Variants in OASL observed in about 807,000 individuals in gnomAD.
OASL encodes the protein 2'-5'-oligoadenylate synthetase like, also known as 2'-5'-oligoadenylate synthase-like protein.
Under a neutral mutation model 35.3 loss-of-function variants are expected in OASL, and 28 were observed. That is an observed-to-expected ratio of 0.79 (90% confidence interval 0.59 to 1.09). The LOEUF (loss-of-function observed/expected upper bound fraction) is 1.09. OASL is among the 50% of genes least tolerant of loss of function. The pLI, the probability that OASL is intolerant of heterozygous loss-of-function variation, is 0.00. For synonymous variants in OASL, 252 were observed against 254.6 expected, an observed-to-expected ratio of 0.99 and a Z score of 0.10; for missense variants, 620 against 635.2, an observed-to-expected ratio of 0.98 and a Z score of 0.26.
intron 5 of OASL, among the ~76,000 whole-genome samples, chr12:121,022,291 T>A (rs977519564): frequency 1.3e-5 from 2 of 152,120 alleles, no homozygotes; most frequent in Admixed American, 6.5e-5. Flanking sequence ...TTTACCATGT[T>A]GGCCAGGATG....
At chr12:121,036,881 G>A (rs1869977371) in intron 1 of OASL, among the ~76,000 whole-genome samples, 1 of 152,142 alleles carries the variant, frequency 6.6e-6, no homozygotes, top group African/African-American at 2.4e-5. Flanking sequence ...TTGCACCACT[G>A]GCTTGGTGAG....
chr12:121,020,683 G>A lies in OASL; in HGVS notation c.1423C>T (p.Gln475Ter), dbSNP rs146055263. Residue 475 changes from glutamine (Q) to a stop codon, truncating the protein, a stop_gained, in exon 6 of 6, where the codon CAG becomes TAG. Transcript: ENST00000257570. LOFTEE classifies it low-confidence loss of function (END_TRUNC). The stretch of plus-strand genomic sequence containing the variant: ...AGGACTTGGCCTTGGAATTCCAGCT[G>A]CTGCTGCTTTTTAGGAAGCCCCTGC... 1.2e-4 allele frequency: 188 copies of A among 1,614,122 alleles called. No homozygotes were observed. In the African/African-American group the frequency reaches 2.2e-3, roughly 19 times the overall value.
exon 1 of OASL, chr12:121,038,847 T>C (rs1389535267): frequency 4.3e-6 from 7 of 1,613,810 alleles, no homozygotes; most frequent in Non-Finnish European, 5.9e-6. Flanking sequence ...CCTCAGAAAC[T>C]CCTCCACGGT....
chr12:121,024,052 A>G (rs746994160), exon 5 of OASL: 6 of 1,614,120 alleles, frequency 3.7e-6, no homozygotes, highest in Non-Finnish European at 5.1e-6. Flanking sequence ...TGTTTCAGGC[A>G]CTGGGAGGCC....
At chr12:121,030,259 C>T (rs183937108) in intron 3 of OASL, among the ~76,000 whole-genome samples, 28 of 152,270 alleles carry the variant, frequency 1.8e-4, no homozygotes, top group Admixed American at 2.6e-4. Flanking sequence ...GGCTGGAGTA[C>T]AGTGGCGCGA....
chr12:121,020,830 G>GTT lies in OASL; in HGVS notation c.1275_1276insAA (p.Leu426AsnfsTer14). 6.2e-7 allele frequency: 1 copy of GTT among 1,614,232 alleles called. No homozygotes were observed. The highest frequency in any genetic ancestry group is 1.3e-5 in the African/African-American group (1 of 75,054). On this transcript the variant is annotated frameshift_variant, in exon 6 of 6. Coordinates refer to ENST00000257570, the Ensembl canonical transcript of OASL. LOFTEE classifies it low-confidence loss of function (END_TRUNC). ...ATCTCGGAGGGGATGGTCTCCAGCA[G>GTT]ATAGATGTGAGTGTGGGAGAAGATC... is the stretch of plus-strand genomic sequence containing the variant.
intron 4 of OASL, among the ~76,000 whole-genome samples, chr12:121,026,676 G>A (rs1298848202): frequency 6.6e-6 from 1 of 152,042 alleles, no homozygotes; most frequent in African/African-American, 2.4e-5. Context: ...ACATGGCAAA[G>A]CACTGTCTCT....
intron 1 of OASL, 38 bp downstream of exon 1, chr12:121,038,736 T>C: frequency 6.2e-7 from 1 of 1,606,656 alleles, no homozygotes; most frequent in East Asian, 2.2e-5. Context: ...TGATACTGGG[T>C]TTTGTCTTGC....
chr12:121,029,030 A>G (rs1248737553), intron 3 of OASL, among the ~76,000 whole-genome samples: 1 of 140,816 alleles, frequency 7.1e-6, no homozygotes, highest in South Asian at 2.3e-4. Context: ...ATGCCACTGC[A>G]CTCCAGCCTG....
chr12:121,038,629 T>C (rs1024409482), intron 1 of OASL, 145 bp downstream of exon 1: 35 of 714,232 alleles, frequency 4.9e-5, no homozygotes, highest in African/African-American at 4.7e-4. Context: ...CAGTGGGGTG[T>C]AGACAGCTAG....
At chr12:121,031,720 C>G in intron 2 of OASL, 103 bp from the exon 3 acceptor site, 2 of 931,448 alleles carry the variant, frequency 2.1e-6, no homozygotes, top group Non-Finnish European at 3.3e-6. Context: ...AAGTATCCCT[C>G]CAGGGACACT....
At chr12:121,027,381 G>A (rs573215306) in intron 4 of OASL, among the ~76,000 whole-genome samples, 195 bp downstream of exon 4, 11 of 152,302 alleles carry the variant, frequency 7.2e-5, no homozygotes, top group South Asian at 2.1e-4. Context: ...GCTTCTACCC[G>A]CCCCATGGCC....
At position 121,034,118 on chromosome 12, in the gene OASL, G is replaced by A. The variant is rs528894503; in HGVS notation, c.199-375C>T. Among the ~76,000 whole-genome samples the A allele has an allele frequency of 1.8e-4, 28 of 152,112 alleles. No homozygotes were observed. In the East Asian group the frequency reaches 3.1e-3, roughly 17 times the overall value. ...TGGTGGGGTGCCTGGCACACAGGAA[G>A]TCAGCAACACATTTGTCTTTCTCCT... On this transcript the variant is annotated intron_variant, in intron 1 of 5. Transcript: ENST00000257570.
exon 2 of OASL, chr12:121,033,576 C>A: frequency 1.2e-6 from 2 of 1,614,180 alleles, no homozygotes; most frequent in Non-Finnish European, 1.7e-6. Context: ...GGTCCTCGAG[C>A]CCGAGGTCCA....
chr12:121,033,919 G>C (rs1015027162), intron 1 of OASL, among the ~76,000 whole-genome samples, 176 bp from the exon 2 acceptor site: 1 of 152,132 alleles, frequency 6.6e-6, no homozygotes, highest in Admixed American at 6.6e-5. Context: ...GGAGGATCTC[G>C]AGACATGGGA....
chr12:121,037,029 C>A (rs2135918360), intron 1 of OASL, among the ~76,000 whole-genome samples: 1 of 152,232 alleles, frequency 6.6e-6, no homozygotes, highest in Non-Finnish European at 1.5e-5. Flanking sequence ...TGGTTTCTCA[C>A]TTATAAATTG....
intron 5 of OASL, among the ~76,000 whole-genome samples, chr12:121,022,144 T>C (rs1869267852): frequency 6.9e-6 from 1 of 145,384 alleles, no homozygotes; most frequent in South Asian, 2.3e-4. Flanking sequence ...TAGAGTGCAG[T>C]GGCACGATCT....
exon 6 of OASL, chr12:121,020,704 C>T (rs1737422871): frequency 6.2e-7 from 1 of 1,614,160 alleles, no homozygotes; most frequent in Non-Finnish European, 8.5e-7. Context: ...TTAGGAAGCC[C>T]CTGCTGGTCT....
intron 2 of OASL, 22 bp from the exon 3 acceptor site, chr12:121,031,639 G>A: frequency 6.2e-7 from 1 of 1,603,838 alleles, no homozygotes; most frequent in African/African-American, 1.3e-5. Context: ...AGGAGCAAAG[G>A]AAGAGATTGG....
Sources: gnomAD v4.1 joint callset for allele counts (sites outside exome capture counted in the v4.1 genomes callset) on GRCh38, gnomAD v4.1.1 for gene constraint, MANE v1.5 for transcripts, NCBI Gene and HGNC (gene_info 2026-07-23, HGNC 2026-07-21) for gene names.